Variants in PCCA observed in about 807,000 individuals in gnomAD.
The protein encoded by PCCA is propionyl-CoA carboxylase alpha chain, mitochondrial.
In PCCA, 74 loss-of-function variants were observed where a neutral mutation model predicts 101.3. The observed-to-expected ratio is 0.73, with a 90% CI of 0.61 to 0.89. The LOEUF (loss-of-function observed/expected upper bound fraction) is 0.89. PCCA is among the 40% of genes least tolerant of loss of function. The pLI is 0.00. For missense variants in PCCA, 891 were observed against 907.0 expected, an observed-to-expected ratio of 0.98 and a Z score of 0.23; for synonymous variants, 294 against 313.6, an observed-to-expected ratio of 0.94 and a Z score of 0.66.
chr13:100,279,728 C>A (rs761817047), intron 12 of PCCA, among the ~76,000 whole-genome samples: 1 of 152,186 alleles, frequency 6.6e-6, no homozygotes, highest in African/African-American at 2.4e-5. Context: ...CCTGCATCGA[C>A]CTCCCAAAGT....
At chr13:100,223,668 A>G (rs1036166491) in intron 7 of PCCA, among the ~76,000 whole-genome samples, 3 of 152,044 alleles carry the variant, frequency 2.0e-5, no homozygotes, top group Admixed American at 6.6e-5. Context: ...GCCTGCTTTT[A>G]TTCTCTTATC....
chr13:100,439,388 A>T (rs183616115), intron 20 of PCCA, among the ~76,000 whole-genome samples: 12 of 152,284 alleles, frequency 7.9e-5, no homozygotes, highest in African/African-American at 2.6e-4. Context: ...TGCCTGTGGC[A>T]TATAATTAAA....
At chr13:100,191,251 T>G (rs183726956) in intron 6 of PCCA, among the ~76,000 whole-genome samples, 86 of 152,360 alleles carry the variant, frequency 5.6e-4, no homozygotes, top group African/African-American at 2.0e-3. Flanking sequence ...CAGTTGTGAT[T>G]TCATAAGCTT....
At chr13:100,357,508 G>GC (rs1157472543) in intron 18 of PCCA, among the ~76,000 whole-genome samples, 2 of 152,112 alleles carry the variant, frequency 1.3e-5, no homozygotes, top group Non-Finnish European at 2.9e-5. Flanking sequence ...TTCCTCTTCT[G>GC]CCTTGAAATG....
intron 4 of PCCA, among the ~76,000 whole-genome samples, chr13:100,139,246 T>G (rs1265947468): frequency 6.6e-6 from 1 of 152,070 alleles, no homozygotes; most frequent in Non-Finnish European, 1.5e-5. Context: ...TTCACTGACC[T>G]TCTTGAATAT....
chr13:100,252,168 G>C lies in PCCA; in HGVS notation c.638-5427G>C, dbSNP rs983243301. ...AGTGGGGTGTCTTTTCTCTTCTGAG[G>C]TCCTATTACCCATATCAGGGCCTAT... On this transcript the variant is annotated intron_variant, in intron 8 of 23. Coordinates refer to ENST00000376285, the MANE Select transcript of PCCA (RefSeq NM_000282.4). Among the ~76,000 whole-genome samples, 3 of 152,150 alleles carry C rather than the reference G, an allele frequency of 2.0e-5. No homozygotes were observed. The East Asian group carries it at 5.8e-4, about 29-fold the overall frequency.
At chr13:100,445,188 C>T (rs2080732358) in intron 20 of PCCA, among the ~76,000 whole-genome samples, 1 of 152,148 alleles carries the variant, frequency 6.6e-6, no homozygotes, top group Non-Finnish European at 1.5e-5. Context: ...TGAACTCGCC[C>T]TCAAAGAGGG....
intron 18 of PCCA, among the ~76,000 whole-genome samples, chr13:100,367,739 A>T (rs957098916): frequency 1.3e-5 from 2 of 150,092 alleles, no homozygotes; most frequent in African/African-American, 4.9e-5. Context: ...CGGGTGGATC[A>T]TGAGGTCAGG....
At chr13:100,306,627 A>G (rs1377723708) in intron 14 of PCCA, among the ~76,000 whole-genome samples, 1 of 151,774 alleles carries the variant, frequency 6.6e-6, no homozygotes, top group Non-Finnish European at 1.5e-5. Context: ...AAATCACAAA[A>G]TCAGAACTCT....
At chr13:100,257,400 G>A (rs2062146216) in intron 8 of PCCA, among the ~76,000 whole-genome samples, 195 bp from the exon 9 acceptor site, 1 of 151,994 alleles carries the variant, frequency 6.6e-6, no homozygotes. Flanking sequence ...TTTTAAAATG[G>A]TCACACTCTC....
intron 6 of PCCA, among the ~76,000 whole-genome samples, chr13:100,180,837 A>G (rs1430202371): frequency 6.6e-6 from 1 of 152,236 alleles, no homozygotes; most frequent in East Asian, 1.9e-4. Flanking sequence ...TGCTTTGCCA[A>G]CATCCTTTCC....
intron 4 of PCCA, chr13:100,151,074 G>T: frequency 6.5e-7 from 1 of 1,539,224 alleles, no homozygotes; most frequent in South Asian, 1.1e-5. Flanking sequence ...CGTAGCTCCT[G>T]GATGTACTCG....
intron 1 of PCCA, among the ~76,000 whole-genome samples, chr13:100,097,696 C>A (rs373784088): frequency 6.6e-6 from 1 of 151,956 alleles, no homozygotes; most frequent in Non-Finnish European, 1.5e-5. Context: ...TCCAGCCTGG[C>A]GACAGAGTGA....
chr13:100,449,110 A>G, intron 20 of PCCA, 142 bp from the exon 21 acceptor site: 1 of 543,856 alleles, frequency 1.8e-6, no homozygotes, highest in Non-Finnish European at 3.3e-6. Flanking sequence ...TTATGGCCAA[A>G]TAATATTCCA....
chr13:100,273,503 C>T (rs953844630), intron 12 of PCCA, among the ~76,000 whole-genome samples, 157 bp downstream of exon 12: 5 of 152,136 alleles, frequency 3.3e-5, no homozygotes, highest in Non-Finnish European at 7.4e-5. Flanking sequence ...TTAGGAATGA[C>T]GGATAGTATC....
chr13:100,291,926 C>T (rs1021489699), intron 12 of PCCA, among the ~76,000 whole-genome samples: 14 of 152,204 alleles, frequency 9.2e-5, no homozygotes, highest in Admixed American at 8.5e-4. Context: ...CTCCAGTTTT[C>T]GTTCAGCCAC....
chr13:100,500,536 G>A (rs531698266), intron 21 of PCCA, among the ~76,000 whole-genome samples: 95 of 152,174 alleles, frequency 6.2e-4, no homozygotes, highest in Admixed American at 1.1e-3. Flanking sequence ...ATATTGAGCA[G>A]TTAAGGCTGG....
At chr13:100,190,608 G>C (rs997194728) in intron 6 of PCCA, among the ~76,000 whole-genome samples, 4 of 151,998 alleles carry the variant, frequency 2.6e-5, no homozygotes, top group African/African-American at 9.7e-5. Context: ...CTGGGAGGTG[G>C]AGGCTGCAGT....
intron 20 of PCCA, among the ~76,000 whole-genome samples, chr13:100,436,800 A>G (rs1344591896): frequency 6.6e-6 from 1 of 152,196 alleles, no homozygotes. Context: ...GGGTAAGTGG[A>G]CAGTCATCTT....
Sources: allele counts gnomAD v4.1 joint callset (sites outside exome capture counted in the v4.1 genomes callset), GRCh38; gene constraint gnomAD v4.1.1; transcripts MANE v1.5; gene names NCBI Gene and HGNC (gene_info 2026-07-23, HGNC 2026-07-21).